Variants in ADGRB1 observed in about 807,000 individuals in gnomAD.
ADGRB1 encodes brain-specific angiogenesis inhibitor 1.
In ADGRB1, 36 loss-of-function variants were observed where a neutral mutation model predicts 175.7. That is an observed-to-expected ratio of 0.20 (90% CI 0.16 to 0.27). ADGRB1 has a LOEUF of 0.27. ADGRB1 is among the 10% of genes least tolerant of loss of function. ADGRB1 has a pLI of 1.00. For synonymous variants in ADGRB1, 1,054 were observed against 979.4 expected (o/e 1.08, Z -1.42); for missense variants, 1,731 against 2,255.3 (o/e 0.77, Z 4.71).
In ADGRB1 at chr8:142,542,237, C is replaced by T. The variant is rs1476065525; in HGVS notation, c.4003C>T (p.Arg1335Trp). Residue 1335 changes from arginine (R) to tryptophan (W), a missense_variant, in exon 28 of 31, where the codon CGG becomes TGG. By Grantham distance (101) the Arg-to-Trp change is moderately radical. Transcript: ENST00000517894. This position sits in a 1 kb window ranked among gnomAD's most constrained non-coding sequence, Gnocchi z 6.3. ...IFKKLDSELSRAQEKALDTSY... is the reference protein window; with the variant it reads ...IFKKLDSELSWAQEKALDTSY... The stretch of plus-strand genomic sequence containing the variant: ...CAAGAAGCTGGACTCGGAGCTGAGC[C>T]GGGCCCAGGAGAAGGCTCTGGACAC... 1.9e-5 allele frequency: 30 copies of T among 1,613,490 alleles called. No individual in the cohort carries two copies. Among genetic ancestry groups the T allele is most frequent in the Admixed American group, 3.3e-5 (2 of 60,004 alleles).
At chr8:142,478,406 G>T (rs1369150145) in intron 7 of ADGRB1, 46 bp downstream of exon 7, 1 of 1,528,686 alleles carries the variant, frequency 6.5e-7, no homozygotes, top group Non-Finnish European at 8.8e-7. Context: ...TAACAAGCAG[G>T]AGCCTCTAGG....
At chr8:142,520,241 GTGA>G (rs1483559525) in intron 19 of ADGRB1, among the ~76,000 whole-genome samples, 2 of 151,040 alleles carry the variant, frequency 1.3e-5, no homozygotes, top group African/African-American at 4.9e-5. Context: ...AGTGATGATG[GTGA>G]TGGTGGTGGT....
chr8:142,514,605 G>A (rs1843313720), intron 18 of ADGRB1, among the ~76,000 whole-genome samples: 1 of 152,216 alleles, frequency 6.6e-6, no homozygotes, highest in East Asian at 1.9e-4. Flanking sequence ...GTTGTGACCA[G>A]GGTCACAGTT....
chr8:142,457,546 G>C (rs1360122504), intron 1 of ADGRB1, among the ~76,000 whole-genome samples: 2 of 151,950 alleles, frequency 1.3e-5, no homozygotes, highest in African/African-American at 2.4e-5. Context: ...CGCACCCCCA[G>C]GGGGTCCGAC....
intron 2 of ADGRB1, 109 bp downstream of exon 2, chr8:142,465,091 G>A: frequency 9.0e-7 from 1 of 1,105,216 alleles, no homozygotes; most frequent in Non-Finnish European, 1.2e-6. Flanking sequence ...GAGGAGGTGG[G>A]CGGGCAGGCG....
intron 25 of ADGRB1, among the ~76,000 whole-genome samples, 171 bp downstream of exon 25, chr8:142,533,637 C>T (rs745638900): frequency 4.6e-5 from 7 of 152,074 alleles, no homozygotes; most frequent in African/African-American, 1.7e-4. Context: ...TGCAGGTGAG[C>T]GTGTCCACCC....
In ADGRB1 at chr8:142,543,427, C is replaced by G; in HGVS notation, c.4438C>G (p.Leu1480Val). The change falls in exon 29 of 31, where the codon CTG becomes GTG. Residue 1480 changes from leucine (L) to valine (V), a missense_variant. This residue lies in a region of ADGRB1 where 394 missense variants were observed against 410.2 expected (regional missense o/e 0.96). Transcript: ENST00000517894. This position sits in a 1 kb window ranked among gnomAD's most constrained non-coding sequence, Gnocchi z 4.4. ...LERRKSRYAE[L>V]DFEKIMHTRK... ...GCGGCGGAAGTCGCGGTATGCAGAA[C>G]TGGACTTTGAGGTGAGTTCTGGTGT... 1.9e-6 allele frequency: 3 copies of G among 1,613,804 alleles called. No individual in the cohort carries two copies. Among genetic ancestry groups the G allele is most frequent in the Non-Finnish European group, 2.5e-6 (3 of 1,179,806 alleles).
chr8:142,511,145 G>C lies in ADGRB1; in HGVS notation c.2817+72G>C. The stretch of plus-strand genomic sequence containing the variant: ...GGGCGGGGGCTGCCGGCGGGCCTGC[G>C]GGTGGGGAGGGCCCGCACCCGTCCT... On this transcript the variant is annotated intron_variant, in intron 18 of 30. Transcript: ENST00000517894. The surrounding 1 kb of genome is among the most constrained non-coding windows in gnomAD (Gnocchi z 4.5). The C allele has an allele frequency of 9.9e-7, 1 of 1,010,450 alleles. No homozygotes were observed. Among genetic ancestry groups the C allele is most frequent in the Non-Finnish European group, 1.2e-6 (1 of 840,368 alleles). 62.6% of individuals were successfully genotyped at this position (1,010,450 alleles called of 1,614,324 possible).
rs1563689349 is a variant in ADGRB1, at chr8:142,474,354, C to T, written c.785-1120C>T. Among the ~76,000 whole-genome samples the T allele has an allele frequency of 1.3e-5, 2 of 152,156 alleles. No homozygotes were observed. Among genetic ancestry groups the T allele is most frequent in the Non-Finnish European group, 2.9e-5 (2 of 68,014 alleles). On this transcript the variant is annotated intron_variant, in intron 2 of 30. Transcript: ENST00000517894. This position sits in a 1 kb window ranked among gnomAD's most constrained non-coding sequence, Gnocchi z 5.8. ...CCATGGTGGGTCCCCTCGTGGTGGC[C>T]GCCAGCTGTCTCCTCGCCACCGTAG...
Position 142,542,695 on chromosome 8 carries a change from T to G in ADGRB1, c.4413+48T>G. The G allele has an allele frequency of 6.8e-7, 1 of 1,480,392 alleles. No homozygotes were observed. The highest frequency in any genetic ancestry group is 9.1e-7 in the Non-Finnish European group (1 of 1,104,854). The allele number at this position is 1,480,392 out of a possible 1,614,324, so 91.7% of individuals were successfully genotyped here. A position where few individuals can be genotyped will look rare whatever the true frequency, so the allele number is the denominator to read the frequency against. ...ACACCCCAGCCAGCGAGGGCAGGGC[T>G]GCAGCAGCTGGGTCACCCCTGCTGG... On this transcript the variant is annotated intron_variant, in intron 28 of 30. Coordinates refer to ENST00000517894, the MANE Select transcript of ADGRB1 (RefSeq NM_001702.3). The surrounding 1 kb of genome is among the most constrained non-coding windows in gnomAD (Gnocchi z 6.3).
At chr8:142,536,848 C>T (rs2132252667) in intron 25 of ADGRB1, 139 bp from the exon 26 acceptor site, 1 of 604,108 alleles carries the variant, frequency 1.7e-6, no homozygotes, top group East Asian at 3.3e-5. Context: ...CAGAGGTGGC[C>T]CTGTGGGGAG....
Position 142,455,496 on chromosome 8 carries a change from C to G in ADGRB1, c.-220+5392C>G, listed in dbSNP as rs977746628. The stretch of plus-strand genomic sequence containing the variant: ...CTTGCCTTCCTGGGAGAGGAGCATG[C>G]GGCAGGCTGGTCCCCTGCAGCCCAC... On this transcript the variant is annotated intron_variant, in intron 1 of 30. Coordinates refer to ENST00000517894, the MANE Select transcript of ADGRB1 (RefSeq NM_001702.3). The surrounding 1 kb of genome is among the most constrained non-coding windows in gnomAD (Gnocchi z 4.9). Among the ~76,000 whole-genome samples the G allele has an allele frequency of 6.6e-6, 1 of 152,316 alleles. No individual in the cohort carries two copies. The highest frequency in any genetic ancestry group is 1.9e-4 in the East Asian group (1 of 5,150).
chr8:142,463,600 C>G (rs1034531763), intron 1 of ADGRB1, among the ~76,000 whole-genome samples: 28 of 152,270 alleles, frequency 1.8e-4, no homozygotes, highest in African/African-American at 6.7e-4. Context: ...AGAGGGGCAG[C>G]CACGCAGAGC....
chr8:142,458,535 C>T (rs923199649), intron 1 of ADGRB1, among the ~76,000 whole-genome samples: 12 of 152,198 alleles, frequency 7.9e-5, no homozygotes, highest in South Asian at 2.1e-4. Flanking sequence ...CTCTTCCCCA[C>T]GCTGTGGCTC....
At chr8:142,512,175 G>A (rs575936359) in intron 18 of ADGRB1, among the ~76,000 whole-genome samples, 1 of 152,348 alleles carries the variant, frequency 6.6e-6, no homozygotes, top group South Asian at 2.1e-4. Context: ...CCCAGAGAGA[G>A]GGCCTTGCTC....
intron 17 of ADGRB1, among the ~76,000 whole-genome samples, chr8:142,502,423 G>A (rs1238767994): frequency 2.6e-4 from 37 of 139,888 alleles, no homozygotes; most frequent in Non-Finnish European, 4.4e-4. Flanking sequence ...GGTGGTGATG[G>A]TGGTGGTGGT....
chr8:142,498,232 A>G (rs111582605), intron 17 of ADGRB1, among the ~76,000 whole-genome samples: 2,431 of 152,026 alleles, frequency 0.016, 75 homozygotes, highest in African/African-American at 0.052. Context: ...TGTTCGATCC[A>G]CCCTACCCCA....
chr8:142,459,330 A>C (rs543714370), intron 1 of ADGRB1, among the ~76,000 whole-genome samples: 1 of 152,290 alleles, frequency 6.6e-6, no homozygotes, highest in South Asian at 2.1e-4. Flanking sequence ...GATCCTCCCA[A>C]CCGAGGGGAC....
At chr8:142,526,517 A>G in intron 23 of ADGRB1, 25 bp from the exon 24 acceptor site, 1 of 732,992 alleles carries the variant, frequency 1.4e-6, no homozygotes, top group Non-Finnish European at 2.1e-6. Context: ...CCACCCCCAC[A>G]CCCCCACCAC....
Sources: gnomAD v4.1 joint callset for allele counts (sites outside exome capture counted in the v4.1 genomes callset) on GRCh38, gnomAD v4.1.1 for gene constraint, gnomAD v4.1.1 regional missense constraint, Gnocchi (gnomAD v3.1) non-coding constraint, MANE v1.5 for transcripts, NCBI Gene and HGNC (gene_info 2026-07-23, HGNC 2026-07-21) for gene names.